Variants in ERC1 observed in about 807,000 individuals in gnomAD.
ERC1 encodes the protein ELKS/RAB6-interacting/CAST family member 1.
ERC1 carries 56 observed loss-of-function variants against 132.0 expected under a neutral mutation model. The observed-to-expected ratio is 0.42, with a 90% confidence interval of 0.34 to 0.53. The LOEUF (loss-of-function observed/expected upper bound fraction) is 0.53, where lower values mean the gene tolerates loss of function less well. ERC1 is among the 20% of genes least tolerant of loss of function. ERC1 has a pLI of 0.03. For synonymous variants in ERC1, 478 were observed against 476.1 expected (o/e 1.00, Z -0.05); for missense variants, 1,202 against 1,349.9 (o/e 0.89, Z 1.72).
At chr12:1,092,600 A>T (rs909013297) in intron 3 of ERC1, among the ~76,000 whole-genome samples, 3 of 152,222 alleles carry the variant, frequency 2.0e-5, no homozygotes, top group Non-Finnish European at 4.4e-5. Context: ...AAAACAGTTT[A>T]TGATGGTATG....
At chr12:998,958 C>T (rs1490867520) in intron 1 of ERC1, among the ~76,000 whole-genome samples, 1 of 147,408 alleles carries the variant, frequency 6.8e-6, no homozygotes, top group Non-Finnish European at 1.5e-5. Flanking sequence ...CTCCTGGGTT[C>T]AAGTGATTCT....
chr12:1,169,296 T>C (rs1952797205), intron 8 of ERC1, among the ~76,000 whole-genome samples: 1 of 152,166 alleles, frequency 6.6e-6, no homozygotes, highest in Admixed American at 6.5e-5. Flanking sequence ...CCACTTTCCC[T>C]AGAGATTGTC....
At chr12:1,333,555 T>A (rs1318576800) in intron 15 of ERC1, among the ~76,000 whole-genome samples, 1 of 151,926 alleles carries the variant, frequency 6.6e-6, no homozygotes, top group Non-Finnish European at 1.5e-5. Flanking sequence ...GTGGTCTCGA[T>A]CTCCTGACCT....
At chr12:1,272,929 T>TA (rs2077969255) in intron 14 of ERC1, among the ~76,000 whole-genome samples, 2 of 126,970 alleles carry the variant, frequency 1.6e-5, no homozygotes, top group East Asian at 4.6e-4. Context: ...GCCTCAGTGA[T>TA]AGAGTGAGAC....
At chr12:1,368,747 A>G (rs1280174512) in intron 15 of ERC1, among the ~76,000 whole-genome samples, 1 of 151,732 alleles carries the variant, frequency 6.6e-6, no homozygotes, top group Admixed American at 6.6e-5. Flanking sequence ...AACCAAGAGA[A>G]CAATACTGTC....
chr12:998,853 C>CTTT (rs527367596), intron 1 of ERC1, among the ~76,000 whole-genome samples: 183 of 102,436 alleles, frequency 1.8e-3, no homozygotes, highest in East Asian at 3.0e-3. Flanking sequence ...TTCTCTGTCA[C>CTTT]TTTTTTTTTT....
chr12:1,114,965 C>A (rs1014382964), intron 6 of ERC1, among the ~76,000 whole-genome samples: 1 of 152,056 alleles, frequency 6.6e-6, no homozygotes, highest in Non-Finnish European at 1.5e-5. Flanking sequence ...ATCCCTTATA[C>A]CTAAGATTAT....
rs1172108036 is a variant in ERC1, at chr12:1,146,308, G to GTTTTTTTTTTTTTTTTTT, written c.1737+4529_1737+4546dup. 4.4e-4 allele frequency among the ~76,000 whole-genome samples: 14 copies of GTTTTTTTTTTTTTTTTTT among 31,794 alleles called. 1 individual carries two copies. Among genetic ancestry groups the GTTTTTTTTTTTTTTTTTT allele is most frequent in the African/African-American group, 7.5e-4 (6 of 7,998 alleles). The allele number at this position is 31,794 out of a possible 152,430, so 20.9% of individuals were successfully genotyped here. A position where few individuals can be genotyped will look rare whatever the true frequency, so the allele number is the denominator to read the frequency against. On this transcript the variant is annotated intron_variant, in intron 8 of 18. Transcript: ENST00000360905. ...ATTTCCTTGTTTAGGTATTTTACTG[G>GTTTTTTTTTTTTTTTTTT]TTTTTTTTTTTTTTTTTTTTTTTTT...
At chr12:1,375,208 G>C (rs540106804) in intron 16 of ERC1, among the ~76,000 whole-genome samples, 5 of 152,140 alleles carry the variant, frequency 3.3e-5, no homozygotes, top group African/African-American at 1.2e-4. Flanking sequence ...GGGAGGCCTC[G>C]GGAAACTTAC....
At chr12:1,408,376 GA>G (rs2091640240) in intron 17 of ERC1, 129 bp downstream of exon 17, 2 of 593,374 alleles carry the variant, frequency 3.4e-6, no homozygotes, top group Non-Finnish European at 5.7e-6. Context: ...ATTCAGTTCT[GA>G]AAACTCTACT....
intron 1 of ERC1, among the ~76,000 whole-genome samples, chr12:1,017,616 A>G (rs765562585): frequency 7.3e-5 from 11 of 150,662 alleles, no homozygotes; most frequent in Non-Finnish European, 1.6e-4. Context: ...CTCATGCCTC[A>G]GCCTCCCAAG....
chr12:1,017,365 G>C (rs1264872818), intron 1 of ERC1, among the ~76,000 whole-genome samples: 1 of 152,098 alleles, frequency 6.6e-6, no homozygotes, highest in Non-Finnish European at 1.5e-5. Flanking sequence ...TAGTGAAACT[G>C]TATTGTTAAT....
At chr12:1,078,013 G>A (rs960660070) in intron 2 of ERC1, among the ~76,000 whole-genome samples, 4 of 152,158 alleles carry the variant, frequency 2.6e-5, no homozygotes, top group African/African-American at 4.8e-5. Context: ...GGGTGCAGGC[G>A]GAGCTGAAGA....
rs71055117 is a variant in ERC1 at position 1,002,160 on chromosome 12, C to CTTTT, written c.-157+10868_-157+10871dup. Among the ~76,000 whole-genome samples the CTTTT allele has an allele frequency of 5.4e-3, 206 of 38,496 alleles. 26 individuals carry two copies. The highest frequency in any genetic ancestry group is 6.9e-3 in the African/African-American group (63 of 9,088). 25.3% of individuals were successfully genotyped at this position (38,496 alleles called of 152,430 possible). A position where few individuals can be genotyped will look rare whatever the true frequency, so the allele number is the denominator to read the frequency against. On this transcript the variant is annotated intron_variant, in intron 1 of 18. Transcript: ENST00000360905. ...CACAGGTGTGAGCCACCATGCCCGG[C>CTTTT]TTTTTTTTTTTTTTTTTTTTTTTTT...
chr12:1,143,329 CGTGTGTGT>C (rs4017792), intron 8 of ERC1, among the ~76,000 whole-genome samples: 8,495 of 128,860 alleles, frequency 0.066, 296 homozygotes, highest in African/African-American at 0.081. Flanking sequence ...GCTTTTGACT[CGTGTGTGT>C]GTGTGTGTGT....
At chr12:1,009,135 G>A (rs1218830116) in intron 1 of ERC1, among the ~76,000 whole-genome samples, 2 of 151,826 alleles carry the variant, frequency 1.3e-5, no homozygotes, top group Non-Finnish European at 2.9e-5. Flanking sequence ...CTTGGTGAGA[G>A]TATAATAGTA....
chr12:1,292,949 A>G (rs1256404497), intron 15 of ERC1, among the ~76,000 whole-genome samples: 1 of 152,002 alleles, frequency 6.6e-6, no homozygotes, highest in African/African-American at 2.4e-5. Context: ...GTTTGAGACC[A>G]TCCTGGCCAA....
intron 2 of ERC1, among the ~76,000 whole-genome samples, chr12:1,067,802 A>G (rs1049346520): frequency 4.6e-5 from 7 of 152,116 alleles, no homozygotes; most frequent in Non-Finnish European, 1.0e-4. Flanking sequence ...TGTTATAATG[A>G]TAGTTCTCTA....
At chr12:1,328,584 G>A (rs989141500) in intron 15 of ERC1, among the ~76,000 whole-genome samples, 6 of 152,002 alleles carry the variant, frequency 3.9e-5, no homozygotes, top group Middle Eastern at 3.4e-3. Context: ...CCTGTTGTAC[G>A]CCACGCCCAT....
Sources: allele counts gnomAD v4.1 joint callset (sites outside exome capture counted in the v4.1 genomes callset), GRCh38; gene constraint gnomAD v4.1.1; transcripts MANE v1.5; gene names NCBI Gene and HGNC (gene_info 2026-07-23, HGNC 2026-07-21).